The following PI4K2B variants were observed in gnomAD, a reference collection of about 807,000 sequenced individuals.
The protein encoded by PI4K2B is phosphatidylinositol 4-kinase type 2-beta.
In PI4K2B, 46 loss-of-function variants were observed where a neutral mutation model predicts 56.6. That is an observed-to-expected ratio of 0.81 (90% CI 0.64 to 1.04). The LOEUF is 1.04. Ranked by LOEUF, PI4K2B falls within the 50% of genes least tolerant of loss-of-function variation. The pLI, the probability that PI4K2B is intolerant of heterozygous loss-of-function variation, is 0.00. For synonymous variants in PI4K2B, 211 were observed against 223.8 expected (o/e 0.94, Z 0.51); for missense variants, 556 against 607.7 (o/e 0.91, Z 0.89).
intron 1 of PI4K2B, among the ~76,000 whole-genome samples, chr4:25,238,468 C>T (rs1577673986): frequency 6.6e-6 from 1 of 152,182 alleles, no homozygotes; most frequent in Non-Finnish European, 1.5e-5. Context: ...GTCTCACTGA[C>T]TTCAAGAATG....
rs375635039 is a variant in PI4K2B, at chr4:25,234,607, T to C, written c.268+176T>C. 1.2e-3 allele frequency among the ~76,000 whole-genome samples: 180 copies of C among 152,338 alleles called. 2 individuals are homozygous for C. The South Asian group carries it at 0.021, about 18-fold the overall frequency. Reference sequence around the variant, plus strand: ...CGCAGCCGCACCGCGGGCACCTAGCTTGCTCGCTCTTTCTCCGGGAGCTCC... The same window carrying C: ...CGCAGCCGCACCGCGGGCACCTAGCCTGCTCGCTCTTTCTCCGGGAGCTCC... On this transcript the variant is annotated intron_variant, in intron 1 of 9. Coordinates refer to ENST00000264864, the MANE Select transcript of PI4K2B (RefSeq NM_018323.4).
Position 25,234,358 on chromosome 4 carries a change from C to T in PI4K2B, c.195C>T (p.Pro65=), listed in dbSNP as rs931225199. The change falls in exon 1 of 10, where the codon CCC becomes CCT. Residue 65 remains proline (P), a synonymous_variant. Transcript: ENST00000264864. ...EEGEAGDEEL[P]LPPGDVGVSR... ...GCGAGGCCGGCGACGAGGAGCTGCC[C>T]CTCCCGCCCGGGGACGTGGGGGTCT... is the stretch of plus-strand genomic sequence containing the variant. The T allele has an allele frequency of 1.5e-4, 206 of 1,411,778 alleles. No individual in the cohort carries two copies. Among genetic ancestry groups the T allele is most frequent in the Non-Finnish European group, 1.3e-4 (145 of 1,082,014 alleles). The allele number at this position is 1,411,778 out of a possible 1,614,324, so 87.5% of individuals were successfully genotyped here.
intron 1 of PI4K2B, among the ~76,000 whole-genome samples, chr4:25,238,402 C>T (rs970605730): frequency 3.3e-5 from 5 of 152,182 alleles, no homozygotes; most frequent in African/African-American, 4.8e-5. Context: ...AAGTCCATTT[C>T]AGCAGAAATG....
chr4:25,256,223 G>A (rs544793319), intron 3 of PI4K2B, among the ~76,000 whole-genome samples: 2 of 152,130 alleles, frequency 1.3e-5, no homozygotes, highest in African/African-American at 4.8e-5. Flanking sequence ...CAGCTAACCT[G>A]GCATCCTTTC....
chr4:25,251,374 C>T (rs560197338), intron 1 of PI4K2B, among the ~76,000 whole-genome samples: 1 of 152,174 alleles, frequency 6.6e-6, no homozygotes, highest in Non-Finnish European at 1.5e-5. Context: ...ATTCCGCTGC[C>T]CTGGTGCAGG....
At chr4:25,258,913 A>G (rs181193083) in intron 4 of PI4K2B, 124 bp from the exon 5 acceptor site, 1 of 491,944 alleles carries the variant, frequency 2.0e-6, no homozygotes, top group African/African-American at 1.9e-5. Context: ...GCTTATCTAA[A>G]TTAGTGTTAA....
In PI4K2B at chr4:25,259,188, C is replaced by T. The variant is rs754656794; in HGVS notation, c.908C>T (p.Thr303Ile). ...LVILDYIIRN[T>I]DRGNDNWLVR... ...ATTTTGGATTACATCATCAGAAATA[C>T]AGGTATTGAAGTTCTCTCATTTGTT... The change falls in exon 5 of 10, where the codon ACA (threonine) becomes ATA (isoleucine). Residue 303 changes from threonine to isoleucine, a missense_variant and splice_region_variant. By Grantham distance (89) the Thr-to-Ile change is moderately conservative. Coordinates refer to ENST00000264864, the MANE Select transcript of PI4K2B (RefSeq NM_018323.4). 6.5e-7 allele frequency: 1 copy of T among 1,535,926 alleles called. No homozygotes were observed. The highest frequency in any genetic ancestry group is 2.3e-5 in the East Asian group (1 of 44,252).
intron 1 of PI4K2B, among the ~76,000 whole-genome samples, chr4:25,235,061 CAGGCGA>C (rs1175241114): frequency 6.6e-5 from 10 of 152,180 alleles, no homozygotes; most frequent in African/African-American, 2.2e-4. Flanking sequence ...CTGATAACCT[CAGGCGA>C]AACAGGGCAG....
At chr4:25,236,156 A>G (rs750346612) in intron 1 of PI4K2B, among the ~76,000 whole-genome samples, 5 of 151,766 alleles carry the variant, frequency 3.3e-5, no homozygotes, top group Non-Finnish European at 7.4e-5. Context: ...TTTATTCTCC[A>G]CTGCACTCCA....
intron 1 of PI4K2B, among the ~76,000 whole-genome samples, chr4:25,251,073 G>A (rs1012438380): frequency 1.3e-5 from 2 of 152,196 alleles, no homozygotes; most frequent in Non-Finnish European, 2.9e-5. Flanking sequence ...ACGCATCCAA[G>A]TGGAGATGTT....
chr4:25,247,241 AGTAGAT>A lies in PI4K2B; in HGVS notation c.269-5077_269-5072del, dbSNP rs557357120. ...TTAGTTTAGAGGAAGGTTTTAGCAG[AGTAGAT>A]GTTCCATGTGTTTTGACCATTTTCC... On this transcript the variant is annotated intron_variant, in intron 1 of 9. Transcript: ENST00000264864. Among the ~76,000 whole-genome samples, 18 of 152,364 alleles carry A rather than the reference AGTAGAT, an allele frequency of 1.2e-4. No homozygotes were observed. The East Asian group carries it at 3.3e-3, about 28-fold the overall frequency.
chr4:25,270,172 C>T lies in PI4K2B; in HGVS notation c.1272+969C>T, dbSNP rs1229453453. ...CACTTAGACATTTCAGTACCAAGTTCTGTTGTCAATAGATTACTTTTTTTC... is the reference window on the plus strand; with the variant it reads ...CACTTAGACATTTCAGTACCAAGTTTTGTTGTCAATAGATTACTTTTTTTC... On this transcript the variant is annotated intron_variant, in intron 9 of 9. Coordinates refer to ENST00000264864, the MANE Select transcript of PI4K2B (RefSeq NM_018323.4). Among the ~76,000 whole-genome samples, 2 of 152,214 alleles carry T rather than the reference C, an allele frequency of 1.3e-5. 1 individual carries two copies. Among genetic ancestry groups the T allele is most frequent in the African/African-American group, 4.8e-5 (2 of 41,540 alleles).
chr4:25,239,237 G>T (rs936560494), intron 1 of PI4K2B, among the ~76,000 whole-genome samples: 1 of 152,170 alleles, frequency 6.6e-6, no homozygotes, highest in African/African-American at 2.4e-5. Flanking sequence ...CGTGCCTTGC[G>T]CCCACACTCC....
intron 9 of PI4K2B, among the ~76,000 whole-genome samples, chr4:25,273,923 T>C (rs1717004425): frequency 6.6e-6 from 1 of 152,304 alleles, no homozygotes; most frequent in South Asian, 2.1e-4. Flanking sequence ...AAATCTGAAC[T>C]GCTCTTCCTT....
intron 4 of PI4K2B, 134 bp downstream of exon 4, chr4:25,256,808 C>T (rs1716278916): frequency 1.2e-6 from 1 of 813,694 alleles, no homozygotes; most frequent in Admixed American, 2.6e-5. Context: ...TTATAGTAAA[C>T]AGGTAATTTT....
At chr4:25,265,345 G>A (rs1162945419) in intron 7 of PI4K2B, among the ~76,000 whole-genome samples, 1 of 151,478 alleles carries the variant, frequency 6.6e-6, no homozygotes, top group Non-Finnish European at 1.5e-5. Flanking sequence ...AATTATTTAT[G>A]CTCTTTTTCC....
rs560525121 is a variant in PI4K2B at position 25,249,825 on chromosome 4, G to A, written c.269-2496G>A. 4.6e-5 allele frequency among the ~76,000 whole-genome samples: 7 copies of A among 152,282 alleles called. No individual in the cohort carries two copies. The East Asian group carries it at 7.7e-4, about 17-fold the overall frequency. The stretch of plus-strand genomic sequence containing the variant: ...TCACTTCCTAGACGGGGTGGCGGTC[G>A]GGCAGAGACTGCAATCTCGGCACTT... On this transcript the variant is annotated intron_variant, in intron 1 of 9. Transcript: ENST00000264864.
At position 25,252,227 on chromosome 4, in the gene PI4K2B, T is replaced by C. The variant is rs576893498; in HGVS notation, c.269-94T>C. 7 of 895,522 alleles carry C rather than the reference T, an allele frequency of 7.8e-6. No homozygotes were observed. In the Admixed American group the frequency reaches 1.3e-4, roughly 16 times the overall value. The allele number at this position is 895,522 out of a possible 1,614,324, so 55.5% of individuals were successfully genotyped here. A position where few individuals can be genotyped will look rare whatever the true frequency, so the allele number is the denominator to read the frequency against. ...AGTCTATACAAATCTTGATTACATT[T>C]TTCTGTACCTTATATCCTGATACCG... On this transcript the variant is annotated intron_variant, in intron 1 of 9. Transcript: ENST00000264864.
chr4:25,255,051 C>T lies in PI4K2B; in HGVS notation c.424-14C>T, dbSNP rs777086160. 1 of 1,583,710 alleles carries T rather than the reference C, an allele frequency of 6.3e-7. No individual in the cohort carries two copies. The highest frequency in any genetic ancestry group is 1.1e-5 in the South Asian group (1 of 89,984). ...TGTAAAAAGTCTAATAAGATTTTTACTTTTTTGCTCTAGAAAATTATTGGT... is the reference window on the plus strand; with the variant it reads ...TGTAAAAAGTCTAATAAGATTTTTATTTTTTTGCTCTAGAAAATTATTGGT... On this transcript the variant is annotated splice_polypyrimidine_tract_variant and intron_variant, in intron 2 of 9. Transcript: ENST00000264864.
Sources: gnomAD v4.1 joint callset for allele counts (sites outside exome capture counted in the v4.1 genomes callset) on GRCh38, gnomAD v4.1.1 for gene constraint, MANE v1.5 for transcripts, NCBI Gene and HGNC (gene_info 2026-07-23, HGNC 2026-07-21) for gene names.